The following TRIM41 variants were observed in gnomAD, a reference collection of about 807,000 sequenced individuals.
TRIM41 encodes the protein E3 ubiquitin-protein ligase TRIM41.
A neutral mutation model predicts 60.6 loss-of-function variants in TRIM41; 21 were observed. The ratio of observed to expected loss-of-function variants is 0.35; its 90% CI spans 0.25 to 0.50. The LOEUF is 0.50. Ranked by LOEUF, TRIM41 falls within the 20% of genes least tolerant of loss-of-function variation. The pLI is 0.98. For synonymous variants in TRIM41, 407 were observed against 344.9 expected (o/e 1.18, Z -2.00); for missense variants, 846 against 868.3 (o/e 0.97, Z 0.32).
intron 1 of TRIM41, chr5:181,227,239 C>T (rs1408638687): frequency 6.6e-6 from 1 of 152,184 alleles, no homozygotes; most frequent in Non-Finnish European, 1.5e-5. Flanking sequence ...CATATTTAAT[C>T]TGACATTAAG....
Position 181,234,817 on chromosome 5 carries a change from GGGT to G in TRIM41, c.*45_*47del. The G allele has an allele frequency of 6.2e-7, 1 of 1,606,620 alleles. No individual in the cohort carries two copies. The stretch of plus-strand genomic sequence containing the variant: ...AGGGGCCCCTCTGTCAGCACTTGGG[GGGT>G]GGGTGGTGGAGGGTGGCCCGTAAGT... On this transcript the variant is annotated 3_prime_UTR_variant, in exon 6 of 6. Coordinates refer to ENST00000315073, the MANE Select transcript of TRIM41 (RefSeq NM_033549.5). This position sits in a 1 kb window ranked among gnomAD's most constrained non-coding sequence, Gnocchi z 5.6.
rs1758883682 is a variant in TRIM41 at position 181,233,176 on chromosome 5, T to C, written c.1141-237T>C. Reference sequence around the variant, plus strand: ...TGACATCCTGAAAAAGGTGAGCAAGTCGTATTGTGGAAATGACAGTATCCC... The same window carrying C: ...TGACATCCTGAAAAAGGTGAGCAAGCCGTATTGTGGAAATGACAGTATCCC... On this transcript the variant is annotated intron_variant, in intron 3 of 5. Transcript: ENST00000315073. This position sits in a 1 kb window ranked among gnomAD's most constrained non-coding sequence, Gnocchi z 4.1. 1.4e-6 allele frequency: 1 copy of C among 714,156 alleles called. No individual in the cohort carries two copies. The highest frequency in any genetic ancestry group is 2.5e-6 in the Non-Finnish European group (1 of 393,908). 44.2% of individuals were successfully genotyped at this position (714,156 alleles called of 1,614,324 possible).
chr5:181,226,661 G>A (rs1382598235), intron 1 of TRIM41: 1 of 152,108 alleles, frequency 6.6e-6, no homozygotes, highest in Non-Finnish European at 1.5e-5. Flanking sequence ...TATCATGTGT[G>A]GTCACTTTGT....
At position 181,234,541 on chromosome 5, in the gene TRIM41, C is replaced by A. The variant is rs376019711; in HGVS notation, c.1659C>A (p.Gly553=). Residue 553 remains glycine (G), a synonymous_variant, in exon 6 of 6, where the codon GGC becomes GGA. Coordinates refer to ENST00000315073, the MANE Select transcript of TRIM41 (RefSeq NM_033549.5). The surrounding 1 kb of genome is among the most constrained non-coding windows in gnomAD (Gnocchi z 5.6). ...PLLQREVWCV[G]TNGKRYQAQS... The stretch of plus-strand genomic sequence containing the variant: ...TCCAGCGGGAAGTGTGGTGCGTGGG[C>A]ACCAACGGCAAACGCTATCAGGCCC... 6.2e-7 allele frequency: 1 copy of A among 1,614,198 alleles called. No homozygotes were observed. The highest frequency in any genetic ancestry group is 8.5e-7 in the Non-Finnish European group (1 of 1,180,006).
chr5:181,234,985 C>G lies in TRIM41; in HGVS notation c.*210C>G. The G allele has an allele frequency of 6.2e-7, 1 of 1,614,164 alleles. No homozygotes were observed. The highest frequency in any genetic ancestry group is 1.1e-5 in the South Asian group (1 of 91,086). On this transcript the variant is annotated 3_prime_UTR_variant, in exon 6 of 6. Coordinates refer to ENST00000315073, the MANE Select transcript of TRIM41 (RefSeq NM_033549.5). The surrounding 1 kb of genome is among the most constrained non-coding windows in gnomAD (Gnocchi z 5.6). ...CTCAGCCTTCTCTCACCTACTATGT[C>G]TGTCCAACAGGTCTGCATGGGTCCC...
intron 2 of TRIM41, chr5:181,232,216 C>T: frequency 5.9e-6 from 1 of 169,952 alleles, no homozygotes; most frequent in South Asian, 1.5e-4. Context: ...AAAGACATTC[C>T]TAGTCCCTGT....
Position 181,233,820 on chromosome 5 carries a change from G to C in TRIM41, c.1291+57G>C, listed in dbSNP as rs1349693237. The C allele has an allele frequency of 1.2e-6, 2 of 1,612,638 alleles. No individual in the cohort carries two copies. Among genetic ancestry groups the C allele is most frequent in the Non-Finnish European group, 1.7e-6 (2 of 1,178,994 alleles). On this transcript the variant is annotated intron_variant, in intron 5 of 5. Transcript: ENST00000315073. This position sits in a 1 kb window ranked among gnomAD's most constrained non-coding sequence, Gnocchi z 4.1. ...CCTTTCCCTTCACAGACCTGAGACT[G>C]GGTCCTGAGGGAAGTTGGGCCCCAG...
At chr5:181,229,673 G>C (rs1295350526) in intron 1 of TRIM41, 2 of 152,274 alleles carry the variant, frequency 1.3e-5, no homozygotes, top group Non-Finnish European at 1.5e-5. Flanking sequence ...AATAAGTAGA[G>C]TGTGGGCAGG....
At chr5:181,231,112 C>T (rs571496772) in intron 2 of TRIM41, 8 of 342,780 alleles carry the variant, frequency 2.3e-5, no homozygotes, top group East Asian at 6.6e-5. Flanking sequence ...GCTTTCTACC[C>T]GACACCAGAG....
intron 2 of TRIM41, chr5:181,231,348 AC>A (rs1258496437): frequency 6.6e-6 from 1 of 151,526 alleles, no homozygotes; most frequent in African/African-American, 2.5e-5. Flanking sequence ...TTCTCAGCAC[AC>A]CCCGACCCCC....
rs756659470 is a variant in TRIM41, at chr5:181,223,966, A to T, written c.-34A>T. On this transcript the variant is annotated 5_prime_UTR_variant, in exon 1 of 6. Coordinates refer to ENST00000315073, the MANE Select transcript of TRIM41 (RefSeq NM_033549.5). The stretch of plus-strand genomic sequence containing the variant: ...GAAGACCCCCGCCCCTCGCCCCCCC[A>T]CCGAACCTCTACACTGGCTGGCTGG... The T allele has an allele frequency of 4.2e-6, 5 of 1,191,184 alleles. No homozygotes were observed. The highest frequency in any genetic ancestry group is 3.9e-4 in the Middle Eastern group (2 of 5,084). 73.8% of individuals were successfully genotyped at this position (1,191,184 alleles called of 1,614,324 possible). A position where few individuals can be genotyped will look rare whatever the true frequency, so the allele number is the denominator to read the frequency against.
chr5:181,230,597 G>T, intron 1 of TRIM41, 147 bp from the exon 2 acceptor site: 1 of 549,212 alleles, frequency 1.8e-6, no homozygotes. Context: ...AGAAGAAAGT[G>T]GAGGAAGGTA....
chr5:181,227,968 G>GTTTTTTT, intron 1 of TRIM41: 1 of 150,774 alleles, frequency 6.6e-6, no homozygotes, highest in Non-Finnish European at 1.5e-5. Flanking sequence ...TGGAGACAGG[G>GTTTTTTT]TCTTGCTGTG....
chr5:181,229,338 C>G (rs759366048), intron 1 of TRIM41: 2 of 152,248 alleles, frequency 1.3e-5, no homozygotes, highest in Non-Finnish European at 2.9e-5. Context: ...CATGGCTTGC[C>G]TGAGGTCACT....
In TRIM41 at chr5:181,224,505, C is replaced by G; in HGVS notation, c.506C>G (p.Thr169Ser). The change falls in exon 1 of 6, where the codon ACC becomes AGC. Residue 169 changes from threonine to serine, a missense_variant. Transcript: ENST00000315073. ...GAGGAAGAGGATCTAGACCCCGTCA[C>G]CCCACTGCCCCCGCCTCCAGCCCCT... ...EVEEEDLDPVTPLPPPPAPRR... is the reference protein window; with the variant it reads ...EVEEEDLDPVSPLPPPPAPRR... 6.2e-7 allele frequency: 1 copy of G among 1,612,056 alleles called. No individual in the cohort carries two copies. Among genetic ancestry groups the G allele is most frequent in the South Asian group, 1.1e-5 (1 of 90,966 alleles).
In TRIM41 at chr5:181,223,919, G is replaced by A. The variant is rs372265388; in HGVS notation, c.-81G>A. The A allele has an allele frequency of 3.4e-6, 5 of 1,458,810 alleles. No homozygotes were observed. In the African/African-American group the frequency reaches 5.6e-5, roughly 16 times the overall value. The allele number at this position is 1,458,810 out of a possible 1,614,324, so 90.4% of individuals were successfully genotyped here. On this transcript the variant is annotated 5_prime_UTR_variant, in exon 1 of 6. Coordinates refer to ENST00000315073, the MANE Select transcript of TRIM41 (RefSeq NM_033549.5). ...GAGGGGCAGGGCTGGGGGTGGAGCC[G>A]GGTCGCCAGGGCGTCGGTAGGGAAG... is the stretch of plus-strand genomic sequence containing the variant.
At position 181,235,685 on chromosome 5, in the gene TRIM41, T is replaced by C; in HGVS notation, c.*910T>C. On this transcript the variant is annotated 3_prime_UTR_variant, in exon 6 of 6. Transcript: ENST00000315073. The stretch of plus-strand genomic sequence containing the variant: ...GGAGAGCCTTGGGTATAATCTATTT[T>C]TCTAGGAGCCTCTTGCCTTGTCACT... 1 of 392,454 alleles carries C rather than the reference T, an allele frequency of 2.5e-6. No individual in the cohort carries two copies. The highest frequency in any genetic ancestry group is 4.7e-6 in the Non-Finnish European group (1 of 212,948). The allele number at this position is 392,454 out of a possible 1,614,324, so 24.3% of individuals were successfully genotyped here.
Position 181,234,246 on chromosome 5 carries a change from T to G in TRIM41, c.1364T>G (p.Leu455Arg). Residue 455 changes from leucine to arginine, a missense_variant, in exon 6 of 6, where the codon CTG (leucine) becomes CGG (arginine). Coordinates refer to ENST00000315073, the MANE Select transcript of TRIM41 (RefSeq NM_033549.5). This position sits in a 1 kb window ranked among gnomAD's most constrained non-coding sequence, Gnocchi z 5.6. The stretch of plus-strand genomic sequence containing the variant: ...TCCCCTGACCGCCGGGGGGTCCGCC[T>G]GGCAGAGCGGCGGCAGGAGGTTGCT... ...MLSPDRRGVR[L>R]AERRQEVADH... 6.2e-7 allele frequency: 1 copy of G among 1,613,284 alleles called. No homozygotes were observed. The highest frequency in any genetic ancestry group is 8.5e-7 in the Non-Finnish European group (1 of 1,179,944).
In TRIM41 at chr5:181,234,143, C is replaced by T; in HGVS notation, c.1292-31C>T. On this transcript the variant is annotated intron_variant, in intron 5 of 5. Coordinates refer to ENST00000315073, the MANE Select transcript of TRIM41 (RefSeq NM_033549.5). The surrounding 1 kb of genome is among the most constrained non-coding windows in gnomAD (Gnocchi z 5.6). ...CTGACAGGGGAACAGCCGTTCCAGC[C>T]CTGGCGTATTTGTCCTCCCTCCCTC... The T allele has an allele frequency of 6.2e-7, 1 of 1,603,894 alleles. No individual in the cohort carries two copies. Among genetic ancestry groups the T allele is most frequent in the Non-Finnish European group, 8.5e-7 (1 of 1,179,862 alleles).
Sources: gnomAD v4.1 joint callset for allele counts on GRCh38, gnomAD v4.1.1 for gene constraint, Gnocchi (gnomAD v3.1) non-coding constraint, MANE v1.5 for transcripts, NCBI Gene and HGNC (gene_info 2026-07-23, HGNC 2026-07-21) for gene names.